COLGALT2: variants seen among roughly 807,000 people sequenced by gnomAD.
The protein encoded by COLGALT2 is collagen beta(1-O)galactosyltransferase 2.
Under a neutral mutation model 73.4 loss-of-function variants are expected in COLGALT2, and 49 were observed. The observed-to-expected ratio is 0.67, with a 90% confidence interval of 0.53 to 0.85. The LOEUF (loss-of-function observed/expected upper bound fraction) is 0.85. Ranked by LOEUF, COLGALT2 falls within the 40% of genes least tolerant of loss-of-function variation. The probability of loss-of-function intolerance (pLI) is 0.00; values close to 1 mark genes in which losing one functional copy is unlikely to be tolerated. For missense variants in COLGALT2, 722 were observed against 790.2 expected (o/e 0.91, Z 1.03); for synonymous variants, 295 against 307.6 (o/e 0.96, Z 0.43).
intron 6 of COLGALT2, among the ~76,000 whole-genome samples, chr1:183,958,611 C>T (rs1226878211): frequency 6.6e-6 from 1 of 151,308 alleles, no homozygotes; most frequent in Non-Finnish European, 1.5e-5. Flanking sequence ...CAAATTAGAT[C>T]TACCTTTTCA....
chr1:183,945,339 G>A, intron 9 of COLGALT2, 93 bp downstream of exon 9: 1 of 1,420,900 alleles, frequency 7.0e-7, no homozygotes, highest in Non-Finnish European at 9.6e-7. Context: ...AACAGTTGCG[G>A]GCTCACTTTA....
At chr1:184,020,476 A>G (rs1289705739) in intron 1 of COLGALT2, among the ~76,000 whole-genome samples, 2 of 152,194 alleles carry the variant, frequency 1.3e-5, no homozygotes, top group East Asian at 1.9e-4. Flanking sequence ...AGACTCAGCC[A>G]TACAAACCTT....
intron 1 of COLGALT2, among the ~76,000 whole-genome samples, chr1:184,036,062 A>G (rs1431011859): frequency 1.3e-5 from 2 of 152,086 alleles, no homozygotes; most frequent in Non-Finnish European, 2.9e-5. Flanking sequence ...CTTTATCAAC[A>G]CAAGACAGAA....
chr1:184,011,241 C>T (rs1672226005), intron 1 of COLGALT2, among the ~76,000 whole-genome samples: 1 of 152,202 alleles, frequency 6.6e-6, no homozygotes, highest in Non-Finnish European at 1.5e-5. Flanking sequence ...AAAGTGAATG[C>T]TAGCTCGCAG....
rs533444941 is a variant in COLGALT2, at chr1:183,981,540, C to T, written c.264-3020G>A. Among the ~76,000 whole-genome samples, 104 of 152,014 alleles carry T rather than the reference C, an allele frequency of 6.8e-4. No homozygotes were observed. The Middle Eastern group carries it at 0.014, about 20-fold the overall frequency. ...GTATGGTGGCACGTGCCTGTTAGTC[C>T]CAGCTACTTGGGAGGCTGAGGCAGG... On this transcript the variant is annotated intron_variant, in intron 1 of 11. Transcript: ENST00000361927.
chr1:183,936,000 G>A lies in COLGALT2; in HGVS notation c.*2761C>T, dbSNP rs1427579178. On this transcript the variant is annotated 3_prime_UTR_variant, in exon 12 of 12. Coordinates refer to ENST00000361927, the MANE Select transcript of COLGALT2 (RefSeq NM_015101.4). Reference sequence around the variant, plus strand: ...AGCAGGCCTGAATGAACCGCAAGCGGGGCCCATGCAGCGTGTCCTCTGCAA... The same window carrying A: ...AGCAGGCCTGAATGAACCGCAAGCGAGGCCCATGCAGCGTGTCCTCTGCAA... The A allele has an allele frequency of 1.0e-6, 1 of 985,372 alleles. No individual in the cohort carries two copies. Among genetic ancestry groups the A allele is most frequent in the Non-Finnish European group, 1.2e-6 (1 of 829,950 alleles). The allele number at this position is 985,372 out of a possible 1,614,324, so 61.0% of individuals were successfully genotyped here.
chr1:184,026,428 TAAC>T (rs1313573152), intron 1 of COLGALT2, among the ~76,000 whole-genome samples: 4 of 152,152 alleles, frequency 2.6e-5, no homozygotes, highest in Non-Finnish European at 4.4e-5. Context: ...ATATAAGACT[TAAC>T]AACTGAGTTG....
chr1:184,026,682 T>C lies in COLGALT2; in HGVS notation c.263+10413A>G, dbSNP rs537337673. The stretch of plus-strand genomic sequence containing the variant: ...GAACTGCCAGCTACTAAAAACAGGC[T>C]AATTTAGTAGACTGTTTACATTTGT... On this transcript the variant is annotated intron_variant, in intron 1 of 11. Coordinates refer to ENST00000361927, the MANE Select transcript of COLGALT2 (RefSeq NM_015101.4). Among the ~76,000 whole-genome samples the C allele has an allele frequency of 5.3e-5, 8 of 152,278 alleles. No individual in the cohort carries two copies. In the South Asian group the frequency reaches 1.5e-3, roughly 28 times the overall value.
At chr1:184,004,332 C>T (rs1221535420) in intron 1 of COLGALT2, among the ~76,000 whole-genome samples, 5 of 152,150 alleles carry the variant, frequency 3.3e-5, no homozygotes, top group African/African-American at 9.7e-5. Flanking sequence ...CCCATAACTA[C>T]CCACTTTGCA....
intron 1 of COLGALT2, among the ~76,000 whole-genome samples, chr1:184,008,114 C>A (rs1169114977): frequency 1.3e-5 from 2 of 152,144 alleles, no homozygotes; most frequent in Non-Finnish European, 2.9e-5. Context: ...TAGAAAGGGG[C>A]AAACAGACGT....
intron 1 of COLGALT2, among the ~76,000 whole-genome samples, chr1:183,981,705 C>T (rs1386240973): frequency 6.6e-6 from 1 of 152,078 alleles, no homozygotes; most frequent in Non-Finnish European, 1.5e-5. Context: ...TTTCATTAAA[C>T]ATGAAACATT....
chr1:184,023,034 T>C (rs74132763), intron 1 of COLGALT2, among the ~76,000 whole-genome samples: 5,036 of 152,290 alleles, frequency 0.033, 268 homozygotes, highest in African/African-American at 0.11. Context: ...ATAATTCTGA[T>C]CTAGCAGAAG....
chr1:184,026,148 C>T (rs528321732), intron 1 of COLGALT2, among the ~76,000 whole-genome samples: 182 of 152,246 alleles, frequency 1.2e-3, no homozygotes, highest in African/African-American at 4.2e-3. Flanking sequence ...CACAGGACAA[C>T]ACAGATAGCG....
intron 2 of COLGALT2, among the ~76,000 whole-genome samples, chr1:183,977,812 A>G (rs61824806): frequency 0.029 from 1,435 of 50,242 alleles, 22 homozygotes; most frequent in African/African-American, 0.056. Context: ...GAAAGAGAGA[A>G]AGAGAGAGAG....
At chr1:183,979,970 C>T (rs910567591) in intron 1 of COLGALT2, among the ~76,000 whole-genome samples, 3 of 151,796 alleles carry the variant, frequency 2.0e-5, no homozygotes, top group African/African-American at 7.3e-5. Flanking sequence ...AAATAAAATC[C>T]CCCAAATCCA....
Position 184,037,180 on chromosome 1 carries a change from G to A in COLGALT2, c.178C>T (p.Leu60Phe). 1 of 1,604,650 alleles carries A rather than the reference G, an allele frequency of 6.2e-7. No individual in the cohort carries two copies. Among genetic ancestry groups the A allele is most frequent in the South Asian group, 1.1e-5 (1 of 90,212 alleles). ...LQSPTVLVAV[L>F]ARNAAHTLPH... is the part of the protein sequence containing the mutation. ...AGCGTGTGCGCCGCGTTGCGGGCGA[G>A]GACCGCCACGAGCACCGTGGGGCTC... Residue 60 changes from leucine to phenylalanine, a missense_variant, in exon 1 of 12, where the codon CTC becomes TTC. Leu to Phe is a conservative substitution (Grantham distance 22). Coordinates refer to ENST00000361927, the MANE Select transcript of COLGALT2 (RefSeq NM_015101.4).
intron 6 of COLGALT2, among the ~76,000 whole-genome samples, chr1:183,961,816 C>T (rs903022608): frequency 1.3e-5 from 2 of 152,108 alleles, no homozygotes; most frequent in Non-Finnish European, 1.5e-5. Context: ...AAGATGCCAC[C>T]CATATCCTTT....
intron 1 of COLGALT2, among the ~76,000 whole-genome samples, chr1:183,992,383 T>C (rs1271765413): frequency 1.3e-5 from 2 of 152,194 alleles, no homozygotes; most frequent in Non-Finnish European, 2.9e-5. Context: ...ATTCTAACTT[T>C]GTCTTCAAAG....
chr1:183,961,827 AG>A (rs1422099091), intron 6 of COLGALT2, among the ~76,000 whole-genome samples: 3 of 152,188 alleles, frequency 2.0e-5, no homozygotes, highest in African/African-American at 7.2e-5. Context: ...CATATCCTTT[AG>A]GGCCTAGAAC....
Sources: allele counts gnomAD v4.1 joint callset (sites outside exome capture counted in the v4.1 genomes callset), GRCh38; gene constraint gnomAD v4.1.1; transcripts MANE v1.5; gene names NCBI Gene and HGNC (gene_info 2026-07-23, HGNC 2026-07-21).